CR1L: variants seen among roughly 807,000 people sequenced by gnomAD.
The protein encoded by CR1L is complement component receptor 1-like protein.
A neutral mutation model predicts 62.3 loss-of-function variants in CR1L; 59 were observed. The ratio of observed to expected loss-of-function variants is 0.95; its 90% confidence interval spans 0.77 to 1.18. The LOEUF (loss-of-function observed/expected upper bound fraction) is 1.18. Among genes scored for constraint, CR1L ranks in the 50% most tolerant of loss-of-function variants. The pLI is 0.00. For missense variants in CR1L, 700 were observed against 702.8 expected (o/e 1.00, Z 0.04); for synonymous variants, 279 against 248.7 (o/e 1.12, Z -1.15).
intron 9 of CR1L, among the ~76,000 whole-genome samples, chr1:207,704,577 C>G (rs1408799397): frequency 6.6e-6 from 1 of 152,128 alleles, no homozygotes; most frequent in Non-Finnish European, 1.5e-5. Context: ...TTATTGTTGT[C>G]TTAGATTAAG....
Position 207,708,221 on chromosome 1 carries a change from G to A in CR1L, c.1372G>A (p.Gly458Ser). The change falls in exon 10 of 12, where the codon GGC (glycine) becomes AGC (serine). Residue 458 changes from glycine to serine, a missense_variant. Transcript: ENST00000508064. ...GHSSAECILS[G>S]NTAHWSMKPP... is the part of the protein sequence containing the mutation. ...CTCATCTGCTGAATGTATCCTCTCGGGCAATACTGCCCATTGGAGCATGAA... is the reference window on the plus strand; with the variant it reads ...CTCATCTGCTGAATGTATCCTCTCGAGCAATACTGCCCATTGGAGCATGAA... The A allele has an allele frequency of 6.2e-7, 1 of 1,611,424 alleles. No homozygotes were observed. Among genetic ancestry groups the A allele is most frequent in the Non-Finnish European group, 8.5e-7 (1 of 1,179,454 alleles).
chr1:207,685,607 T>A (rs1369175113), intron 4 of CR1L, among the ~76,000 whole-genome samples: 1 of 152,220 alleles, frequency 6.6e-6, no homozygotes, highest in Non-Finnish European at 1.5e-5. Flanking sequence ...AATTGGACTC[T>A]GTCACCCTGA....
rs376416526 is a variant in CR1L at position 207,717,668 on chromosome 1, G to C, written c.1619G>C (p.Arg540Pro). 6.2e-7 allele frequency: 1 copy of C among 1,613,822 alleles called. No individual in the cohort carries two copies. The highest frequency in any genetic ancestry group is 8.5e-7 in the Non-Finnish European group (1 of 1,179,874). Residue 540 changes from arginine (R) to proline (P), a missense_variant, in exon 11 of 12, where the codon CGC becomes CCC. Coordinates refer to ENST00000508064, the MANE Select transcript of CR1L (RefSeq NM_175710.2). ...GNGVWSSPAP[R>P]CELPVGAGSH... is the part of the protein sequence containing the mutation. ...GGGGTTTGGAGCAGCCCTGCCCCTC[G>C]CTGTGAACTTCCTGTTGGTGCTGGT...
intron 1 of CR1L, among the ~76,000 whole-genome samples, chr1:207,645,535 G>A (rs1303716094): frequency 6.6e-6 from 1 of 152,236 alleles, no homozygotes; most frequent in East Asian, 1.9e-4. Flanking sequence ...CTTGTTTGGT[G>A]GCATCGTGTG....
Position 207,669,685 on chromosome 1 carries a change from G to A in CR1L, c.98-7704G>A, listed in dbSNP as rs964463865. 9.7e-6 allele frequency: 6 copies of A among 617,786 alleles called. No homozygotes were observed. In the African/African-American group the frequency reaches 1.0e-4, roughly 11 times the overall value. 38.3% of individuals were successfully genotyped at this position (617,786 alleles called of 1,614,324 possible). A position where few individuals can be genotyped will look rare whatever the true frequency, so the allele number is the denominator to read the frequency against. On this transcript the variant is annotated intron_variant, in intron 1 of 11. Transcript: ENST00000508064. The stretch of plus-strand genomic sequence containing the variant: ...GCGCGCCCGGGTCCAAAGGCAGCGC[G>A]ATGGGTGGGCTGAGCGCGCTACCTG...
At chr1:207,713,602 C>A (rs1283340408) in intron 10 of CR1L, among the ~76,000 whole-genome samples, 10 of 152,210 alleles carry the variant, frequency 6.6e-5, no homozygotes, top group Non-Finnish European at 1.2e-4. Flanking sequence ...ACATGCTCAG[C>A]CTCTGGGAGG....
intron 9 of CR1L, among the ~76,000 whole-genome samples, chr1:207,707,089 TATAAA>T (rs1169748718): frequency 6.6e-6 from 1 of 152,214 alleles, no homozygotes; most frequent in African/African-American, 2.4e-5. Context: ...CATGCACACA[TATAAA>T]ATTAAATTCC....
intron 1 of CR1L, among the ~76,000 whole-genome samples, chr1:207,674,862 G>GTT (rs67725956): frequency 3.3e-4 from 49 of 149,378 alleles, no homozygotes; most frequent in Non-Finnish European, 4.9e-4. Context: ...TGTTTTATTC[G>GTT]TGTTTTTTTT....
chr1:207,710,680 G>A, intron 10 of CR1L: 1 of 1,610,084 alleles, frequency 6.2e-7, no homozygotes, highest in Non-Finnish European at 8.5e-7. Flanking sequence ...ATGAAGTTGT[G>A]GAGTTTAGGT....
chr1:207,671,509 A>G (rs1663614873), intron 1 of CR1L, among the ~76,000 whole-genome samples: 1 of 151,040 alleles, frequency 6.6e-6, no homozygotes, highest in Non-Finnish European at 1.5e-5. Context: ...TTGAAAGAGA[A>G]CTTAGATTAG....
intron 1 of CR1L, among the ~76,000 whole-genome samples, chr1:207,660,929 T>C (rs1663409766): frequency 1.3e-5 from 2 of 152,256 alleles, no homozygotes; most frequent in Non-Finnish European, 2.9e-5. Context: ...GAGCGGGTTG[T>C]TCAGTTTCCA....
At chr1:207,664,291 T>A (rs1406825474) in intron 1 of CR1L, among the ~76,000 whole-genome samples, 1 of 152,262 alleles carries the variant, frequency 6.6e-6, no homozygotes, top group African/African-American at 2.4e-5. Flanking sequence ...CAGTTTCCAT[T>A]TAGTTTAATG....
intron 1 of CR1L, among the ~76,000 whole-genome samples, chr1:207,648,832 G>C (rs1663178008): frequency 6.6e-6 from 1 of 152,228 alleles, no homozygotes. Flanking sequence ...AAGACTGGGA[G>C]ATAGGCAGCA....
At chr1:207,688,377 C>T (rs758005752) in intron 4 of CR1L, among the ~76,000 whole-genome samples, 6 of 152,072 alleles carry the variant, frequency 3.9e-5, no homozygotes, top group Non-Finnish European at 8.8e-5. Context: ...GGTTCTGTTC[C>T]ACTGGTTTAT....
intron 10 of CR1L, among the ~76,000 whole-genome samples, chr1:207,716,284 T>C (rs1289422024): frequency 3.6e-5 from 2 of 55,486 alleles, no homozygotes; most frequent in Non-Finnish European, 6.8e-5. Context: ...AAAACAGAGT[T>C]ATATGATAAA....
chr1:207,698,024 A>G (rs749045403), intron 7 of CR1L, among the ~76,000 whole-genome samples, 151 bp downstream of exon 7: 3 of 152,164 alleles, frequency 2.0e-5, no homozygotes, highest in Admixed American at 1.3e-4. Context: ...TTGAAAGTAT[A>G]TATAGGAAGA....
At chr1:207,672,627 G>A (rs1217206816) in intron 1 of CR1L, among the ~76,000 whole-genome samples, 2 of 151,962 alleles carry the variant, frequency 1.3e-5, no homozygotes, top group African/African-American at 4.8e-5. Context: ...ACATTCTCTG[G>A]CTCACATTCA....
chr1:207,677,452 A>G lies in CR1L; in HGVS notation c.161A>G (p.Glu54Gly), dbSNP rs1411577134. The change falls in exon 2 of 12, where the codon GAG becomes GGG. Residue 54 changes from glutamate to glycine, a missense_variant. Glu to Gly is a moderately conservative substitution (Grantham distance 98). Transcript: ENST00000508064. ...CCTACCAACCTAACTGATGACTTTG[A>G]GTTTCCCATTGGGACATATCTGAAC... ...ARPTNLTDDF[E>G]FPIGTYLNYE... The G allele has an allele frequency of 1.2e-6, 2 of 1,613,224 alleles. No individual in the cohort carries two copies. The highest frequency in any genetic ancestry group is 1.7e-5 in the Admixed American group (1 of 59,924).
intron 1 of CR1L, chr1:207,669,423 T>G: frequency 1.6e-6 from 2 of 1,246,420 alleles, no homozygotes; most frequent in Non-Finnish European, 1.2e-6. Context: ...TCAAATCTGG[T>G]TTGTAGATGT....
Sources: allele counts gnomAD v4.1 joint callset (sites outside exome capture counted in the v4.1 genomes callset), GRCh38; gene constraint gnomAD v4.1.1; transcripts MANE v1.5; gene names NCBI Gene and HGNC (gene_info 2026-07-23, HGNC 2026-07-21).